The following NAT10 variants were observed in gnomAD, a reference collection of about 807,000 sequenced individuals.
NAT10 encodes RNA cytidine acetyltransferase.
NAT10 carries 109 observed loss-of-function variants against 132.2 expected under a neutral mutation model. The observed-to-expected ratio is 0.82, with a 90% CI of 0.71 to 0.97. NAT10 has a LOEUF of 0.97. Ranked by LOEUF, NAT10 falls within the 50% of genes least tolerant of loss-of-function variation. The probability of loss-of-function intolerance (pLI) is 0.00; values close to 1 mark genes in which losing one functional copy is unlikely to be tolerated. For synonymous variants in NAT10, 479 were observed against 478.0 expected, an observed-to-expected ratio of 1.00 and a Z score of -0.03; for missense variants, 1,184 against 1,263.4, an observed-to-expected ratio of 0.94 and a Z score of 0.95.
At chr11:34,119,987 C>T (rs1164211525) in intron 8 of NAT10, among the ~76,000 whole-genome samples, 3 of 152,118 alleles carry the variant, frequency 2.0e-5, no homozygotes, top group East Asian at 1.9e-4. Context: ...CCCTCGCAGC[C>T]GTGATTCCTA....
At chr11:34,141,038 T>C (rs1487852049) in intron 24 of NAT10, 51 bp from the exon 25 acceptor site, 2 of 1,607,876 alleles carry the variant, frequency 1.2e-6, no homozygotes, top group East Asian at 4.5e-5. Context: ...GCCATTTTAA[T>C]GGGCAAGGGC....
rs1395223866 is a variant in NAT10, at chr11:34,108,235, A to G, written c.10A>G (p.Lys4Glu). ...GTAATAATTTTTCACCATGCATCGGAAAAAGGTGGATAACCGAATCCGGAT... is the reference window on the plus strand; with the variant it reads ...GTAATAATTTTTCACCATGCATCGGGAAAAGGTGGATAACCGAATCCGGAT... MHRKKVDNRIRILI... is the reference protein window; with the variant it reads MHREKVDNRIRILI... The change falls in exon 2 of 29, where the codon AAA becomes GAA. Residue 4 changes from lysine to glutamate, a missense_variant. Coordinates refer to ENST00000257829, the MANE Select transcript of NAT10 (RefSeq NM_024662.3). 1.2e-6 allele frequency: 2 copies of G among 1,610,588 alleles called. No individual in the cohort carries two copies. The highest frequency in any genetic ancestry group is 8.5e-7 in the Non-Finnish European group (1 of 1,176,936).
intron 20 of NAT10, 43 bp from the exon 21 acceptor site, chr11:34,136,935 C>T (rs780382613): frequency 1.2e-6 from 2 of 1,613,054 alleles, no homozygotes; most frequent in Admixed American, 3.3e-5. Flanking sequence ...AGCCACTCCC[C>T]AGAGGCCACA....
chr11:34,112,181 C>A lies in NAT10; in HGVS notation c.330C>A (p.Thr110=). Reference sequence around the variant, plus strand: ...TTCGCTACTGCTACTACAACGAGACCCACAAGATCCTGGGCAATACCTTCG... The same window carrying A: ...TTCGCTACTGCTACTACAACGAGACACACAAGATCCTGGGCAATACCTTCG... ...TNIRYCYYNE[T]HKILGNTFGM... The change falls in exon 4 of 29, where the codon ACC becomes ACA. Residue 110 remains threonine (T), a synonymous_variant. Transcript: ENST00000257829. The A allele has an allele frequency of 6.2e-7, 1 of 1,614,226 alleles. No individual in the cohort carries two copies. Among genetic ancestry groups the A allele is most frequent in the Admixed American group, 1.7e-5 (1 of 60,030 alleles).
chr11:34,113,730 A>G lies in NAT10; in HGVS notation c.387A>G (p.Leu129=). ...GMCVLQDFEA[L]TPNLLARTVE... Reference sequence around the variant, plus strand: ...CCTTCTTCCAGGATTTTGAAGCCTTAACTCCAAACTTGCTGGCCAGGACTG... The same window carrying G: ...CCTTCTTCCAGGATTTTGAAGCCTTGACTCCAAACTTGCTGGCCAGGACTG... The change falls in exon 5 of 29, where the codon TTA becomes TTG. Residue 129 remains leucine, a synonymous_variant. Transcript: ENST00000257829. 1 of 1,613,580 alleles carries G rather than the reference A, an allele frequency of 6.2e-7. No individual in the cohort carries two copies. The highest frequency in any genetic ancestry group is 8.5e-7 in the Non-Finnish European group (1 of 1,179,818).
At chr11:34,140,853 T>C (rs145697333) in intron 24 of NAT10, among the ~76,000 whole-genome samples, 13 of 152,022 alleles carry the variant, frequency 8.6e-5, no homozygotes, top group African/African-American at 2.4e-4. Flanking sequence ...TCCCAAACTT[T>C]TAATGTAGTT....
chr11:34,108,325 A>C lies in NAT10; in HGVS notation c.100A>C (p.Lys34Gln). Residue 34 changes from lysine to glutamine, a missense_variant, in exon 2 of 29, where the codon AAA becomes CAA. Transcript: ENST00000257829. The stretch of plus-strand genomic sequence containing the variant: ...CTTTGTTGTAGTTGGGGATCGAGGA[A>C]AAGATCAGGTATGGCCTGGTAAATG... Reference protein sequence around the residue: ...SLFVVVGDRGKDQVVILHHML... With the variant: ...SLFVVVGDRGQDQVVILHHML... 1 of 1,613,332 alleles carries C rather than the reference A, an allele frequency of 6.2e-7. No individual in the cohort carries two copies. The highest frequency in any genetic ancestry group is 1.1e-5 in the South Asian group (1 of 91,062).
At chr11:34,109,569 CTCT>C (rs1051844495) in intron 3 of NAT10, among the ~76,000 whole-genome samples, 4 of 152,200 alleles carry the variant, frequency 2.6e-5, no homozygotes, top group African/African-American at 4.8e-5. Context: ...AGAGCTCTGC[CTCT>C]TCTTCTACCA....
chr11:34,112,118 G>T lies in NAT10; in HGVS notation c.267G>T (p.Gln89His). ...KIKNGTLNIK[Q>H]DDPFELFIAA... ...AGAATGGAACACTGAACATAAAGCA[G>T]GACGACCCCTTTGAACTCTTCATAG... Residue 89 changes from glutamine to histidine, a missense_variant, in exon 4 of 29, where the codon CAG (glutamine) becomes CAT (histidine). Physicochemically the swap from Gln to His is conservative, Grantham distance 24 (BLOSUM62 0). Transcript: ENST00000257829. The T allele has an allele frequency of 6.2e-7, 1 of 1,614,210 alleles. No individual in the cohort carries two copies. The highest frequency in any genetic ancestry group is 8.5e-7 in the Non-Finnish European group (1 of 1,180,044).
At chr11:34,115,511 C>T (rs1851769771) in intron 5 of NAT10, among the ~76,000 whole-genome samples, 1 of 152,212 alleles carries the variant, frequency 6.6e-6, no homozygotes, top group Non-Finnish European at 1.5e-5. Flanking sequence ...GCCATGAGAA[C>T]AGAGGTCATG....
chr11:34,118,462 C>A lies in NAT10; in HGVS notation c.739C>A (p.Pro247Thr), dbSNP rs1313024322. The A allele has an allele frequency of 6.2e-7, 1 of 1,614,040 alleles. No homozygotes were observed. Residue 247 changes from proline (P) to threonine (T), a missense_variant, in exon 8 of 29, where the codon CCT (proline) becomes ACT (threonine). By Grantham distance (38) the Pro-to-Thr change is conservative. Coordinates refer to ENST00000257829, the MANE Select transcript of NAT10 (RefSeq NM_024662.3). The part of the protein sequence containing the change: ...ELKESLQDTQ[P>T]VGVLVDCCKT... ...GAAGGAGAGCTTGCAGGACACCCAGCCTGTGGGTGTGTTGGTGGACTGCTG... is the reference window on the plus strand; with the variant it reads ...GAAGGAGAGCTTGCAGGACACCCAGACTGTGGGTGTGTTGGTGGACTGCTG...
rs147462500 is a variant in NAT10 at position 34,143,505 on chromosome 11, C to T, written c.2946C>T (p.Asn982=). Reference sequence around the variant, plus strand: ...AAGTTTTGAACAAAGCTGGGCCGAACGCCTCGATCATCAGCCTGAAAAGGT... The same window carrying T: ...AAGTTTTGAACAAAGCTGGGCCGAATGCCTCGATCATCAGCCTGAAAAGGT... ...WNEVLNKAGP[N]ASIISLKSDK... The change falls in exon 28 of 29, where the codon AAC becomes AAT. Residue 982 remains asparagine (N), a synonymous_variant. Transcript: ENST00000257829. 185 of 1,613,896 alleles carry T rather than the reference C, an allele frequency of 1.1e-4. No individual in the cohort carries two copies. The highest frequency in any genetic ancestry group is 3.3e-4 in the Middle Eastern group (2 of 6,084).
chr11:34,118,911 G>C (rs566171888), intron 8 of NAT10, among the ~76,000 whole-genome samples: 2 of 152,256 alleles, frequency 1.3e-5, no homozygotes, highest in South Asian at 4.1e-4. Flanking sequence ...CATCTGGACA[G>C]ATTACATTGA....
At chr11:34,132,397 G>T (rs1047650015) in intron 15 of NAT10, among the ~76,000 whole-genome samples, 176 bp downstream of exon 15, 3 of 152,194 alleles carry the variant, frequency 2.0e-5, no homozygotes, top group African/African-American at 4.8e-5. Context: ...GCTCCATGCA[G>T]TAACGGGACA....
chr11:34,119,701 C>T (rs1430786455), intron 8 of NAT10, among the ~76,000 whole-genome samples: 1 of 152,204 alleles, frequency 6.6e-6, no homozygotes, highest in Non-Finnish European at 1.5e-5. Context: ...ATTATGTATC[C>T]TGCTGCCTCT....
In NAT10 at chr11:34,144,245, C is replaced by A. The variant is rs768842839; in HGVS notation, c.2969+717C>A. ...AGCCCAGGTGTTCAAGACCAACCTG[C>A]GCAACATAGCAGACCCTGTCTCTGC... is the stretch of plus-strand genomic sequence containing the variant. On this transcript the variant is annotated intron_variant, in intron 28 of 28. Coordinates refer to ENST00000257829, the MANE Select transcript of NAT10 (RefSeq NM_024662.3). Among the ~76,000 whole-genome samples the A allele has an allele frequency of 2.6e-5, 4 of 151,872 alleles. No homozygotes were observed. In the East Asian group the frequency reaches 5.8e-4, roughly 22 times the overall value.
intron 27 of NAT10, among the ~76,000 whole-genome samples, chr11:34,142,550 G>A (rs377581758): frequency 2.0e-5 from 3 of 152,232 alleles, no homozygotes; most frequent in East Asian, 3.9e-4. Context: ...GACTAGTGCC[G>A]CCACTTTGAC....
At chr11:34,135,868 TG>T (rs968093394) in intron 19 of NAT10, among the ~76,000 whole-genome samples, 2 of 52,552 alleles carry the variant, frequency 3.8e-5, no homozygotes, top group Non-Finnish European at 7.1e-5. Context: ...GATGCTGAGG[TG>T]GGAAGATTGC....
At position 34,133,091 on chromosome 11, in the gene NAT10, TCCC is replaced by T. The variant is rs769354167; in HGVS notation, c.1684_1686del (p.Pro562del). ...CTCACCATCTCTTCTGCCTTCTGCC[TCCC>T]GTGCCCCCCACCCAGAATGCCCTTC... On this transcript the variant is annotated inframe_deletion, in exon 16 of 29. Coordinates refer to ENST00000257829, the MANE Select transcript of NAT10 (RefSeq NM_024662.3). 4.4e-5 allele frequency: 71 copies of T among 1,614,018 alleles called. No homozygotes were observed. The highest frequency in any genetic ancestry group is 5.8e-5 in the Non-Finnish European group (69 of 1,180,004).
Sources: gnomAD v4.1 joint callset for allele counts (sites outside exome capture counted in the v4.1 genomes callset) on GRCh38, gnomAD v4.1.1 for gene constraint, MANE v1.5 for transcripts, NCBI Gene and HGNC (gene_info 2026-07-23, HGNC 2026-07-21) for gene names.